C5: variants seen among roughly 807,000 people sequenced by gnomAD.
The protein encoded by C5 is complement C5.
C5 carries 140 observed loss-of-function variants against 218.8 expected under a neutral mutation model. The ratio of observed to expected loss-of-function variants is 0.64; its 90% confidence interval spans 0.56 to 0.74. C5 has a LOEUF of 0.74. Among genes scored for constraint, C5 ranks in the 30% least tolerant of loss-of-function variants. The probability of loss-of-function intolerance (pLI) is 0.00; values close to 1 mark genes in which losing one functional copy is unlikely to be tolerated. For synonymous variants in C5, 614 were observed against 682.3 expected, an observed-to-expected ratio of 0.90 and a Z score of 1.56; for missense variants, 1,700 against 1,969.6, an observed-to-expected ratio of 0.86 and a Z score of 2.59.
Position 120,960,253 on chromosome 9 carries a change from G to A in C5, c.4673C>T (p.Ala1558Val), listed in dbSNP as rs774166079. ...TATTGAACTTTTGAACTCACCATAT[G>A]CAATCTCTGGTTTACATGCTGTTTG... ...RKQTACKPEI[A>V]YAYKVSITSI... is the part of the protein sequence containing the mutation. Residue 1558 changes from alanine to valine, a missense_variant, in exon 38 of 41, where the codon GCA (alanine) becomes GTA (valine). Physicochemically the swap from Ala to Val is moderately conservative, Grantham distance 64. Transcript: ENST00000223642. The A allele has an allele frequency of 1.9e-6, 3 of 1,604,564 alleles. No individual in the cohort carries two copies. The highest frequency in any genetic ancestry group is 3.3e-5 in the Admixed American group (2 of 60,002).
At position 120,980,270 on chromosome 9, in the gene C5, G is replaced by C. The variant is rs942466350; in HGVS notation, c.3487-16C>G. ...TGTCGATTTTCTGGAAACAAGAGAA[G>C]ATACTTCAGTTTCTATGTCAAGCAA... is the stretch of plus-strand genomic sequence containing the variant. On this transcript the variant is annotated splice_polypyrimidine_tract_variant and intron_variant, in intron 27 of 40. Coordinates refer to ENST00000223642, the MANE Select transcript of C5 (RefSeq NM_001735.3). The C allele has an allele frequency of 6.2e-7, 1 of 1,612,668 alleles. No individual in the cohort carries two copies. The highest frequency in any genetic ancestry group is 1.3e-5 in the African/African-American group (1 of 74,902).
chr9:121,015,862 A>C (rs1260224744), intron 15 of C5, among the ~76,000 whole-genome samples: 2 of 152,196 alleles, frequency 1.3e-5, no homozygotes, highest in Non-Finnish European at 2.9e-5. Context: ...TATGTGGGGA[A>C]GAGGTCTCGT....
intron 20 of C5, among the ~76,000 whole-genome samples, chr9:121,002,316 G>GTGTGTGTGTGTGTGTATATATATATA (rs572345213): frequency 1.1e-4 from 10 of 87,396 alleles, no homozygotes; most frequent in Admixed American, 5.4e-4. Context: ...ATATGTGTGT[G>GTGTGTGTGTGTGTGTATATATATATA]TATATATATA....
At chr9:121,070,384 G>GAT in the C5 span, among the ~76,000 whole-genome samples, 6,152 of 70,832 alleles carry the variant, frequency 0.087, 199 homozygotes, top group African/African-American at 0.1. Flanking sequence ...AAGGAAGGGT[G>GAT]ATATATATAT....
intron 5 of C5, among the ~76,000 whole-genome samples, chr9:121,033,014 G>GTT (rs2047490194): frequency 8.1e-6 from 1 of 123,134 alleles, no homozygotes. Context: ...AAAACTATGG[G>GTT]TGTGTGTGTG....
chr9:121,002,419 C>T (rs1429458372), intron 20 of C5, among the ~76,000 whole-genome samples: 1 of 150,016 alleles, frequency 6.7e-6, no homozygotes, highest in Non-Finnish European at 1.5e-5. Context: ...CTCAATCCTA[C>T]AGTTGAGCAG....
At chr9:121,037,742 T>G in intron 4 of C5, 139 bp downstream of exon 4, 1 of 523,448 alleles carries the variant, frequency 1.9e-6, no homozygotes, top group Non-Finnish European at 3.5e-6. Context: ...AGATCTATGA[T>G]TCTATACTCA....
rs1159622007 is a variant in C5 at position 121,047,952 on chromosome 9, CCACT to C, written c.66-1573_66-1570del. The stretch of plus-strand genomic sequence containing the variant: ...GTATAAACTCATTGTGTCATTACAA[CCACT>C]CTGTGAGGAACTATTACTCCAATTT... On this transcript the variant is annotated intron_variant, in intron 1 of 40. Transcript: ENST00000223642. 2.0e-5 allele frequency among the ~76,000 whole-genome samples: 3 copies of C among 152,242 alleles called. No homozygotes were observed. The East Asian group carries it at 5.8e-4, about 29-fold the overall frequency.
chr9:120,975,276 A>C (rs1044343899), intron 29 of C5, among the ~76,000 whole-genome samples: 2 of 152,188 alleles, frequency 1.3e-5, no homozygotes, highest in Admixed American at 6.5e-5. Flanking sequence ...GTATCTCCAC[A>C]ACAAGGCCAT....
chr9:120,974,328 C>G (rs1160659162), intron 30 of C5, among the ~76,000 whole-genome samples: 4 of 152,236 alleles, frequency 2.6e-5, no homozygotes, highest in African/African-American at 9.6e-5. Context: ...GAAGGGACCA[C>G]CAGCAGCCTC....
chr9:120,985,991 T>C (rs570397477), intron 25 of C5, among the ~76,000 whole-genome samples: 75 of 152,348 alleles, frequency 4.9e-4, no homozygotes, highest in Middle Eastern at 6.8e-3. Flanking sequence ...CAAGACATGC[T>C]GACCTGTACG....
the C5 span, among the ~76,000 whole-genome samples, chr9:121,066,865 A>AG: frequency 6.6e-6 from 1 of 151,076 alleles, no homozygotes; most frequent in Non-Finnish European, 1.5e-5. Flanking sequence ...AAAAAAAGAA[A>AG]AAAAAAAAAA....
intron 8 of C5, among the ~76,000 whole-genome samples, chr9:121,026,446 A>G (rs1441027057): frequency 1.3e-5 from 2 of 152,236 alleles, no homozygotes; most frequent in Non-Finnish European, 2.9e-5. Flanking sequence ...TTTAATATTG[A>G]AAATGATAGA....
At chr9:120,963,996 C>T (rs932399204) in intron 33 of C5, among the ~76,000 whole-genome samples, 1 of 152,226 alleles carries the variant, frequency 6.6e-6, no homozygotes, top group African/African-American at 2.4e-5. Context: ...AGCTAACTAG[C>T]TGGGGAAACT....
At chr9:121,007,568 G>A (rs543297174) in intron 18 of C5, among the ~76,000 whole-genome samples, 3 of 152,236 alleles carry the variant, frequency 2.0e-5, no homozygotes, top group South Asian at 4.1e-4. Flanking sequence ...GTGTGCTTTC[G>A]TTCAACACAT....
At chr9:120,994,728 G>C (rs1052582064) in intron 22 of C5, among the ~76,000 whole-genome samples, 4 of 152,030 alleles carry the variant, frequency 2.6e-5, no homozygotes, top group Non-Finnish European at 4.4e-5. Flanking sequence ...AAATGTTAAG[G>C]GAAAAAAGTC....
chr9:121,027,676 C>A (rs991192878), intron 7 of C5, among the ~76,000 whole-genome samples: 5 of 152,162 alleles, frequency 3.3e-5, no homozygotes, highest in Non-Finnish European at 5.9e-5. Context: ...TTCCTTATAT[C>A]TTATACAAAA....
intron 22 of C5, among the ~76,000 whole-genome samples, chr9:120,995,642 A>C (rs2047110495): frequency 2.0e-5 from 3 of 152,080 alleles, no homozygotes; most frequent in South Asian, 4.1e-4. Context: ...ATATATTATA[A>C]ATTATTATTG....
At chr9:121,006,163 A>G in intron 19 of C5, 105 bp from the exon 20 acceptor site, 1 of 1,065,266 alleles carries the variant, frequency 9.4e-7, no homozygotes, top group Non-Finnish European at 1.4e-6. Context: ...GGAAAAAATA[A>G]TATTAGATCA....
Sources: allele counts gnomAD v4.1 joint callset (sites outside exome capture counted in the v4.1 genomes callset), GRCh38; gene constraint gnomAD v4.1.1; transcripts MANE v1.5; gene names NCBI Gene and HGNC (gene_info 2026-07-23, HGNC 2026-07-21).